The following UBR2 variants were observed in gnomAD, a reference collection of about 807,000 sequenced individuals.
UBR2 encodes ubiquitin protein ligase E3 component n-recognin 2, also known as E3 ubiquitin-protein ligase UBR2.
In UBR2, 92 loss-of-function variants were observed where a neutral mutation model predicts 247.9. The ratio of observed to expected loss-of-function variants is 0.37; its 90% CI spans 0.31 to 0.44. The LOEUF (loss-of-function observed/expected upper bound fraction) is 0.44, where lower values mean the gene tolerates loss of function less well. Ranked by LOEUF, UBR2 falls within the 20% of genes least tolerant of loss-of-function variation. The pLI is 1.00. For missense variants in UBR2, 1,613 were observed against 2,112.6 expected (o/e 0.76, Z 4.64); for synonymous variants, 672 against 693.5 (o/e 0.97, Z 0.49).
intron 7 of UBR2, among the ~76,000 whole-genome samples, chr6:42,610,781 A>G (rs527324155): frequency 5.3e-5 from 8 of 152,178 alleles, no homozygotes; most frequent in African/African-American, 1.9e-4. Context: ...AACAGTATGA[A>G]TGTACTTAAC....
intron 2 of UBR2, among the ~76,000 whole-genome samples, chr6:42,578,696 C>T (rs1172342753): frequency 6.6e-6 from 1 of 151,912 alleles, no homozygotes; most frequent in African/African-American, 2.4e-5. Flanking sequence ...CCTTTTCTGT[C>T]TGGAAGTAAT....
At chr6:42,614,427 T>TATGTATGTACGTACGTACATAC (rs1794397458) in intron 8 of UBR2, among the ~76,000 whole-genome samples, 1 of 83,998 alleles carries the variant, frequency 1.2e-5, no homozygotes, top group South Asian at 4.0e-4. Flanking sequence ...TACGTACATA[T>TATGTATGTACGTACGTACATAC]ATATGTATGT....
intron 11 of UBR2, among the ~76,000 whole-genome samples, chr6:42,618,413 T>G (rs1324660281): frequency 6.6e-6 from 1 of 152,184 alleles, no homozygotes; most frequent in African/African-American, 2.4e-5. Context: ...TTAAGAGCAT[T>G]TTATAGTTAC....
chr6:42,645,376 TA>T, intron 20 of UBR2, 89 bp from the exon 21 acceptor site: 4 of 1,237,250 alleles, frequency 3.2e-6, no homozygotes, highest in Non-Finnish European at 4.6e-6. Flanking sequence ...CTTAGAGAAA[TA>T]TAACATGCTG....
rs1371681132 is a variant in UBR2, at chr6:42,592,237, A to T, written c.417+8A>T. On this transcript the variant is annotated splice_region_variant and intron_variant, in intron 3 of 46. Coordinates refer to ENST00000372901, the MANE Select transcript of UBR2 (RefSeq NM_001363705.2). ...AGAGATCATCGATATAGGGTTAGTA[A>T]TGTCCAAATAATAACCATGCGCAGT... The T allele has an allele frequency of 6.5e-7, 1 of 1,545,864 alleles. No homozygotes were observed. Among genetic ancestry groups the T allele is most frequent in the East Asian group, 2.3e-5 (1 of 43,442 alleles).
Position 42,616,036 on chromosome 6 carries a change from C to T in UBR2, c.1128C>T (p.Ser376=), listed in dbSNP as rs750730150. 8.7e-6 allele frequency: 14 copies of T among 1,606,274 alleles called. No individual in the cohort carries two copies. Among genetic ancestry groups the T allele is most frequent in the Non-Finnish European group, 1.2e-5 (14 of 1,178,234 alleles). The change falls in exon 10 of 47, where the codon AGC becomes AGT. Residue 376 remains serine (S), a synonymous_variant. Coordinates refer to ENST00000372901, the MANE Select transcript of UBR2 (RefSeq NM_001363705.2). The part of the protein sequence containing the change: ...ARSVYHQLFM[S]SLLMDLKYKK... ...GTGTATATCATCAGTTGTTCATGAG[C>T]AGTCTGCTTATGGATTTGAAATACA...
chr6:42,625,429 T>G (rs1424834538), intron 11 of UBR2, among the ~76,000 whole-genome samples: 3 of 152,150 alleles, frequency 2.0e-5, no homozygotes, highest in Non-Finnish European at 4.4e-5. Flanking sequence ...TTTTTCTGTT[T>G]TTCTTACCAG....
chr6:42,635,782 T>C (rs1470845044), intron 14 of UBR2, among the ~76,000 whole-genome samples: 2 of 152,242 alleles, frequency 1.3e-5, no homozygotes, highest in African/African-American at 2.4e-5. Context: ...CTAATGTAAC[T>C]ATCTTTGTTT....
At chr6:42,633,034 T>A in intron 13 of UBR2, 130 bp downstream of exon 13, 1 of 582,252 alleles carries the variant, frequency 1.7e-6, no homozygotes, top group Non-Finnish European at 2.8e-6. Flanking sequence ...GGGTGGAGTG[T>A]AGTGGCTAGT....
rs925556801 is a variant in UBR2, at chr6:42,575,507, A to G, written c.338+1514A>G. Among the ~76,000 whole-genome samples the G allele has an allele frequency of 3.3e-5, 5 of 152,282 alleles. 1 individual carries two copies. The highest frequency in any genetic ancestry group is 3.3e-4 in the Admixed American group (5 of 15,298). The stretch of plus-strand genomic sequence containing the variant: ...TAGGATCTAGTTCCAAATTATTTGT[A>G]TATCTTGTCTTTTAATCTTCAATCT... On this transcript the variant is annotated intron_variant, in intron 2 of 46. Transcript: ENST00000372901.
intron 11 of UBR2, among the ~76,000 whole-genome samples, chr6:42,631,966 C>T (rs7753593): frequency 0.26 from 35,470 of 138,980 alleles, 4,819 homozygotes; most frequent in East Asian, 0.47. Context: ...CAAGGAACTA[C>T]GATTAACAAG....
intron 13 of UBR2, 91 bp downstream of exon 13, chr6:42,632,995 A>AAGAGATG: frequency 1.0e-5 from 8 of 767,748 alleles, no homozygotes; most frequent in Non-Finnish European, 1.2e-5. Context: ...TTTTCTTTTT[A>AAGAGATG]AGAGATGGGG....
chr6:42,679,631 A>C (rs1798912945), intron 41 of UBR2, 93 bp from the exon 42 acceptor site: 2 of 926,412 alleles, frequency 2.2e-6, no homozygotes, highest in South Asian at 1.5e-5. Flanking sequence ...GAAGTCTTTC[A>C]TCCTTTTTTT....
chr6:42,681,102 G>T (rs1471864011), intron 42 of UBR2, among the ~76,000 whole-genome samples: 3 of 149,830 alleles, frequency 2.0e-5, no homozygotes, highest in African/African-American at 7.4e-5. Context: ...GGCGGAGCTT[G>T]CAGTGAGCCG....
At chr6:42,583,717 T>G (rs1792060916) in intron 2 of UBR2, among the ~76,000 whole-genome samples, 1 of 151,898 alleles carries the variant, frequency 6.6e-6, no homozygotes, top group African/African-American at 2.4e-5. Context: ...AGAGACAGGT[T>G]TTCACCATGT....
In UBR2 at chr6:42,565,323, A is replaced by G. The variant is rs73436624; in HGVS notation, c.78+926A>G. On this transcript the variant is annotated intron_variant, in intron 1 of 46. Coordinates refer to ENST00000372901, the MANE Select transcript of UBR2 (RefSeq NM_001363705.2). Reference sequence around the variant, plus strand: ...TTGGGCCCCACCTCTAAGACCTCCAATTAAAAAGGCTGCTAGGAAGGGAGT... The same window carrying G: ...TTGGGCCCCACCTCTAAGACCTCCAGTTAAAAAGGCTGCTAGGAAGGGAGT... 2.5e-3 allele frequency among the ~76,000 whole-genome samples: 387 copies of G among 152,312 alleles called. 1 individual carries two copies. The highest frequency in any genetic ancestry group is 8.9e-3 in the African/African-American group (371 of 41,586).
chr6:42,622,643 AT>A lies in UBR2; in HGVS notation c.1281+5137del, dbSNP rs367735317. On this transcript the variant is annotated intron_variant, in intron 11 of 46. Coordinates refer to ENST00000372901, the MANE Select transcript of UBR2 (RefSeq NM_001363705.2). ...GGTCTCAAACTCCTGACCTCAGGTT[AT>A]CTGCCCACCTCGGCCTCCCAAAGTG... Among the ~76,000 whole-genome samples, 607 of 151,948 alleles carry A rather than the reference AT, an allele frequency of 4.0e-3. 1 individual carries two copies. Among genetic ancestry groups the A allele is most frequent in the African/African-American group, 0.014 (565 of 41,458 alleles).
intron 16 of UBR2, among the ~76,000 whole-genome samples, chr6:42,640,954 C>T (rs562772557): frequency 6.6e-6 from 1 of 151,890 alleles, no homozygotes; most frequent in Non-Finnish European, 1.5e-5. Context: ...GTCTGGAACT[C>T]GTGATCTCAG....
At chr6:42,586,153 C>A (rs1320395556) in intron 2 of UBR2, among the ~76,000 whole-genome samples, 1 of 151,710 alleles carries the variant, frequency 6.6e-6, no homozygotes, top group Non-Finnish European at 1.5e-5. Context: ...TAGCTTGAGC[C>A]CAGGAGTTCA....
Sources: gnomAD v4.1 joint callset for allele counts (sites outside exome capture counted in the v4.1 genomes callset) on GRCh38, gnomAD v4.1.1 for gene constraint, MANE v1.5 for transcripts, NCBI Gene and HGNC (gene_info 2026-07-23, HGNC 2026-07-21) for gene names.